The following ARHGAP18 variants were observed in gnomAD, a reference collection of about 807,000 sequenced individuals.
The protein encoded by ARHGAP18 is rho GTPase-activating protein 18.
Under a neutral mutation model 86.2 loss-of-function variants are expected in ARHGAP18, and 67 were observed. The observed-to-expected ratio is 0.78, with a 90% CI of 0.64 to 0.95. The LOEUF (loss-of-function observed/expected upper bound fraction) is 0.95. ARHGAP18 is among the 40% of genes least tolerant of loss of function. The pLI is 0.00. For missense variants in ARHGAP18, 691 were observed against 780.4 expected, an observed-to-expected ratio of 0.89 and a Z score of 1.37; for synonymous variants, 283 against 280.4, an observed-to-expected ratio of 1.01 and a Z score of -0.09.
chr6:129,637,378 C>T (rs1562704331), intron 3 of ARHGAP18, among the ~76,000 whole-genome samples: 1 of 152,108 alleles, frequency 6.6e-6, no homozygotes, highest in African/African-American at 2.4e-5. Flanking sequence ...TTCTCTGATA[C>T]CTCCCTTCAT....
intron 13 of ARHGAP18, among the ~76,000 whole-genome samples, chr6:129,581,122 C>T (rs1226454748): frequency 6.6e-6 from 1 of 152,210 alleles, no homozygotes; most frequent in Admixed American, 6.5e-5. Context: ...TAGTGGACCA[C>T]TAAGATAAGG....
intron 14 of ARHGAP18, 35 bp downstream of exon 14, chr6:129,580,035 G>A: frequency 6.5e-7 from 1 of 1,526,904 alleles, no homozygotes; most frequent in Admixed American, 1.7e-5. Context: ...TATCAAAACA[G>A]CATATAAAAT....
intron 1 of ARHGAP18, among the ~76,000 whole-genome samples, chr6:129,686,141 T>C (rs1185066830): frequency 2.0e-5 from 3 of 152,196 alleles, no homozygotes; most frequent in Non-Finnish European, 4.4e-5. Flanking sequence ...ACCCAACTCT[T>C]ACTATTTCCT....
rs368516363 is a variant in ARHGAP18 at position 129,580,196 on chromosome 6, C to A, written c.1839-65G>T. On this transcript the variant is annotated intron_variant, in intron 13 of 14. Coordinates refer to ENST00000368149, the MANE Select transcript of ARHGAP18 (RefSeq NM_033515.3). ...ACAGCTTGCAAGTAAATCACTTTAA[C>A]GTGCTTGGGGAATTCTGGCTGGTAT... is the stretch of plus-strand genomic sequence containing the variant. The A allele has an allele frequency of 3.6e-6, 5 of 1,402,340 alleles. No homozygotes were observed. In the Admixed American group the frequency reaches 8.8e-5, roughly 25 times the overall value. The allele number at this position is 1,402,340 out of a possible 1,614,324, so 86.9% of individuals were successfully genotyped here.
At chr6:129,671,749 G>T (rs1774146443) in intron 1 of ARHGAP18, among the ~76,000 whole-genome samples, 1 of 152,018 alleles carries the variant, frequency 6.6e-6, no homozygotes, top group Non-Finnish European at 1.5e-5. Flanking sequence ...TTAAGCAGAG[G>T]TGAGACTGAC....
chr6:129,684,055 G>A (rs1350044377), intron 1 of ARHGAP18, among the ~76,000 whole-genome samples: 1 of 152,166 alleles, frequency 6.6e-6, no homozygotes, highest in Non-Finnish European at 1.5e-5. Context: ...AAAAATCTTG[G>A]AGAGAAAAAA....
rs140914028 is a variant in ARHGAP18, at chr6:129,629,221, C to G, written c.786+132G>C. On this transcript the variant is annotated intron_variant, in intron 5 of 14. Coordinates refer to ENST00000368149, the MANE Select transcript of ARHGAP18 (RefSeq NM_033515.3). ...CAACGTAGTGAGGCCTCATCTTTCT[C>G]TCTGTCTGTCTGTCTCTCTCTCTCT... 1,506 of 823,314 alleles carry G rather than the reference C, an allele frequency of 1.8e-3. 22 individuals carry two copies. In the African/African-American group the frequency reaches 0.025, roughly 14 times the overall value. The allele number at this position is 823,314 out of a possible 1,614,324, so 51.0% of individuals were successfully genotyped here.
chr6:129,595,151 G>A (rs1016678957), intron 12 of ARHGAP18, among the ~76,000 whole-genome samples: 1 of 152,018 alleles, frequency 6.6e-6, no homozygotes, highest in Non-Finnish European at 1.5e-5. Context: ...GACAATATTT[G>A]TAAAATGTTT....
At chr6:129,656,535 G>A (rs1773840759) in intron 1 of ARHGAP18, among the ~76,000 whole-genome samples, 2 of 152,100 alleles carry the variant, frequency 1.3e-5, no homozygotes, top group Admixed American at 1.3e-4. Context: ...CAGCTACTTG[G>A]GAAGCTGAGG....
At chr6:129,599,726 G>A (rs1182114874) in intron 11 of ARHGAP18, among the ~76,000 whole-genome samples, 1 of 152,112 alleles carries the variant, frequency 6.6e-6, no homozygotes, top group Non-Finnish European at 1.5e-5. Context: ...CTACAGCCCT[G>A]CTAGCTAACC....
At chr6:129,624,754 G>A (rs955085962) in intron 5 of ARHGAP18, among the ~76,000 whole-genome samples, 12 of 151,166 alleles carry the variant, frequency 7.9e-5, no homozygotes, top group African/African-American at 2.9e-4. Flanking sequence ...AGACAAGCCT[G>A]GCCAAGATGG....
chr6:129,618,529 C>T (rs572185236), intron 6 of ARHGAP18, among the ~76,000 whole-genome samples, 158 bp downstream of exon 6: 5 of 152,274 alleles, frequency 3.3e-5, no homozygotes, highest in African/African-American at 1.2e-4. Flanking sequence ...CGTTATAAAA[C>T]TTTTGAAGGC....
At chr6:129,647,523 C>A (rs1306069548) in intron 1 of ARHGAP18, among the ~76,000 whole-genome samples, 2 of 152,118 alleles carry the variant, frequency 1.3e-5, no homozygotes, top group Non-Finnish European at 2.9e-5. Context: ...CTTATAAGAT[C>A]CTTTCTAAAA....
intron 1 of ARHGAP18, among the ~76,000 whole-genome samples, chr6:129,671,661 C>T (rs1357655644): frequency 2.0e-5 from 3 of 152,084 alleles, no homozygotes; most frequent in Non-Finnish European, 4.4e-5. Flanking sequence ...GAGCTATGAT[C>T]GTTTACCTGC....
At chr6:129,591,275 T>C (rs1788507109) in intron 12 of ARHGAP18, among the ~76,000 whole-genome samples, 1 of 152,212 alleles carries the variant, frequency 6.6e-6, no homozygotes, top group Non-Finnish European at 1.5e-5. Flanking sequence ...CAGTATGATC[T>C]TTATAACCCT....
At chr6:129,683,158 A>G (rs1394211089) in intron 1 of ARHGAP18, among the ~76,000 whole-genome samples, 1 of 146,154 alleles carries the variant, frequency 6.8e-6, no homozygotes, top group Admixed American at 7.0e-5. Flanking sequence ...TGCAAGCTCC[A>G]CCTCCCAGGT....
In ARHGAP18 at chr6:129,577,054, CAT is replaced by C. The variant is rs1468835387; in HGVS notation, c.*1457_*1458del. The C allele has an allele frequency of 6.6e-6, 1 of 151,778 alleles. No homozygotes were observed. Among genetic ancestry groups the C allele is most frequent in the Non-Finnish European group, 1.5e-5 (1 of 67,926 alleles). 9.4% of individuals were successfully genotyped at this position (151,778 alleles called of 1,614,324 possible). A position where few individuals can be genotyped will look rare whatever the true frequency, so the allele number is the denominator to read the frequency against. The stretch of plus-strand genomic sequence containing the variant: ...TTAATAAAAAAAAAGCAAAAATACT[CAT>C]AAACACATAGGATTAAAAGTAATGA... On this transcript the variant is annotated 3_prime_UTR_variant, in exon 15 of 15. Coordinates refer to ENST00000368149, the MANE Select transcript of ARHGAP18 (RefSeq NM_033515.3).
At chr6:129,684,646 G>A (rs1774395576) in intron 1 of ARHGAP18, among the ~76,000 whole-genome samples, 1 of 152,158 alleles carries the variant, frequency 6.6e-6, no homozygotes, top group Admixed American at 6.5e-5. Flanking sequence ...GGCACACAGA[G>A]GGTCCTCCAA....
chr6:129,683,327 T>C (rs953988311), intron 1 of ARHGAP18, among the ~76,000 whole-genome samples: 15 of 152,188 alleles, frequency 9.9e-5, no homozygotes, highest in African/African-American at 3.6e-4. Flanking sequence ...CAATTCAGCC[T>C]CCCAAAGTGC....
Sources: gnomAD v4.1 joint callset for allele counts (sites outside exome capture counted in the v4.1 genomes callset) on GRCh38, gnomAD v4.1.1 for gene constraint, MANE v1.5 for transcripts, NCBI Gene and HGNC (gene_info 2026-07-23, HGNC 2026-07-21) for gene names.